The following APBB2 variants were observed in gnomAD, a reference collection of about 807,000 sequenced individuals.
APBB2 encodes the protein Fe65-like 1.
A neutral mutation model predicts 82.5 loss-of-function variants in APBB2; 38 were observed. That is an observed-to-expected ratio of 0.46 (90% CI 0.36 to 0.60). The LOEUF is 0.60. Ranked by LOEUF, APBB2 falls within the 20% of genes least tolerant of loss-of-function variation. The pLI is 0.00. For synonymous variants in APBB2, 341 were observed against 368.2 expected (o/e 0.93, Z 0.85); for missense variants, 772 against 972.3 (o/e 0.79, Z 2.74).
chr4:41,133,961 T>C (rs1283043244), intron 2 of APBB2, among the ~76,000 whole-genome samples: 1 of 152,060 alleles, frequency 6.6e-6, no homozygotes, highest in Non-Finnish European at 1.5e-5. Flanking sequence ...CTATAAAACC[T>C]AGGACACACT....
chr4:40,852,158 T>G (rs1759667889), intron 12 of APBB2, among the ~76,000 whole-genome samples: 1 of 151,894 alleles, frequency 6.6e-6, no homozygotes, highest in African/African-American at 2.4e-5. Flanking sequence ...AAAACCAGCC[T>G]GGCGAACATA....
At position 40,825,725 on chromosome 4, in the gene APBB2, T is replaced by C. The variant is rs1314669133; in HGVS notation, c.1816+162A>G. 1.1e-5 allele frequency: 7 copies of C among 619,074 alleles called. No homozygotes were observed. In the Admixed American group the frequency reaches 1.6e-4, roughly 14 times the overall value. 38.3% of individuals were successfully genotyped at this position (619,074 alleles called of 1,614,324 possible). A position where few individuals can be genotyped will look rare whatever the true frequency, so the allele number is the denominator to read the frequency against. ...GGGGCCTGTCCCTCTACTCATCTTT[T>C]GATCAGGACCGTTTATGTTCTCTGG... On this transcript the variant is annotated intron_variant, in intron 15 of 17. Transcript: ENST00000508593.
At chr4:40,880,476 C>T in intron 12 of APBB2, 2 of 985,434 alleles carry the variant, frequency 2.0e-6, no homozygotes, top group Non-Finnish European at 2.4e-6. Flanking sequence ...AAGCACCAAA[C>T]CATGCACTGA....
At chr4:40,982,281 AGAAGGAAGGAAGGAAGGAAG>A (rs1177096577) in intron 6 of APBB2, among the ~76,000 whole-genome samples, 2 of 17,466 alleles carry the variant, frequency 1.1e-4, no homozygotes, top group African/African-American at 5.3e-4. Flanking sequence ...AAAGAAAGAA[AGAAGGAAGGAAGGAAGGAAG>A]GAAGGAAAGA....
chr4:40,850,017 C>A (rs1270954712), intron 12 of APBB2, among the ~76,000 whole-genome samples: 1 of 152,206 alleles, frequency 6.6e-6, no homozygotes, highest in African/African-American at 2.4e-5. Context: ...AGCCACCGTG[C>A]CCTGCTACTC....
At chr4:40,960,447 G>GTTTTT (rs34445427) in intron 6 of APBB2, among the ~76,000 whole-genome samples, 9 of 138,978 alleles carry the variant, frequency 6.5e-5, no homozygotes, top group Non-Finnish European at 9.1e-5. Flanking sequence ...TTTTTTTCGG[G>GTTTTT]TTTTTTTTTT....
chr4:40,819,452 T>C (rs1560598843), intron 17 of APBB2, among the ~76,000 whole-genome samples: 2 of 151,928 alleles, frequency 1.3e-5, no homozygotes, highest in South Asian at 2.1e-4. Context: ...TCCCAAAGTA[T>C]TGGGATTACA....
chr4:40,834,399 G>A (rs1345111446), intron 12 of APBB2, among the ~76,000 whole-genome samples: 1 of 152,222 alleles, frequency 6.6e-6, no homozygotes, highest in African/African-American at 2.4e-5. Context: ...ACAGACCAGT[G>A]GAGCGACTTC....
At chr4:41,164,862 T>G (rs1295826310) in intron 1 of APBB2, among the ~76,000 whole-genome samples, 1 of 152,206 alleles carries the variant, frequency 6.6e-6, no homozygotes, top group Non-Finnish European at 1.5e-5. Context: ...AACATGGCTG[T>G]TTTTTAGAGG....
chr4:41,097,179 T>G (rs968008721), intron 3 of APBB2, among the ~76,000 whole-genome samples: 1 of 152,184 alleles, frequency 6.6e-6, no homozygotes. Flanking sequence ...TTAAGACAGC[T>G]CGGCAGGAGG....
intron 6 of APBB2, among the ~76,000 whole-genome samples, chr4:40,981,911 T>C (rs6851613): frequency 0.68 from 103,369 of 151,810 alleles, 37,015 homozygotes; most frequent in East Asian, 0.96. Context: ...CCAGGCCAGG[T>C]GCAGTGGCTC....
intron 6 of APBB2, among the ~76,000 whole-genome samples, chr4:40,951,365 T>G (rs940524199): frequency 6.6e-6 from 1 of 152,220 alleles, no homozygotes; most frequent in Non-Finnish European, 1.5e-5. Context: ...TATGCCGGAA[T>G]AGAAAGCCGG....
chr4:40,890,769 T>A (rs1336152844), intron 11 of APBB2: 3 of 312,294 alleles, frequency 9.6e-6, no homozygotes, highest in Non-Finnish European at 1.8e-5. Flanking sequence ...CACTTCTGAA[T>A]CTTTACGACA....
intron 2 of APBB2, among the ~76,000 whole-genome samples, chr4:41,137,346 AG>A (rs1463031432): frequency 1.3e-5 from 2 of 152,206 alleles, no homozygotes. Flanking sequence ...AATGCAGAAC[AG>A]GTATAAAAAT....
At chr4:41,123,859 A>C (rs76816493) in intron 2 of APBB2, among the ~76,000 whole-genome samples, 2 of 152,080 alleles carry the variant, frequency 1.3e-5, no homozygotes, top group Non-Finnish European at 1.5e-5. Flanking sequence ...ACAAAAAAAA[A>C]CCACAAGTAA....
At chr4:40,825,670 T>C (rs1176781951) in intron 15 of APBB2, 1 of 532,500 alleles carries the variant, frequency 1.9e-6, no homozygotes, top group South Asian at 2.0e-5. Context: ...GCTAAAGTCC[T>C]GCATGCTGGG....
chr4:40,842,247 G>A (rs1577880994), intron 12 of APBB2: 5 of 368,240 alleles, frequency 1.4e-5, no homozygotes, highest in Admixed American at 3.3e-5. Flanking sequence ...CAAAACAAAA[G>A]TTCTGCCTTT....
rs539436545 is a variant in APBB2, at chr4:40,855,101, G to A, written c.1530-24524C>T. Among the ~76,000 whole-genome samples, 10 of 152,250 alleles carry A rather than the reference G, an allele frequency of 6.6e-5. No individual in the cohort carries two copies. In the South Asian group the frequency reaches 1.9e-3, roughly 28 times the overall value. ...GAGTGCAGATGACCTGAGGCCCCTC[G>A]TTGTTTGCGCCTACTGCCACATGCT... On this transcript the variant is annotated intron_variant, in intron 12 of 17. Transcript: ENST00000508593.
chr4:41,092,799 CT>C (rs1305858201), intron 3 of APBB2, among the ~76,000 whole-genome samples: 2 of 152,146 alleles, frequency 1.3e-5, no homozygotes, highest in Non-Finnish European at 2.9e-5. Context: ...TCACCGGCCT[CT>C]GTTCAACTTT....
Sources: allele counts gnomAD v4.1 joint callset (sites outside exome capture counted in the v4.1 genomes callset), GRCh38; gene constraint gnomAD v4.1.1; transcripts MANE v1.5; gene names NCBI Gene and HGNC (gene_info 2026-07-23, HGNC 2026-07-21).